FAR2: variants seen among roughly 807,000 people sequenced by gnomAD.
FAR2 encodes epididymis secretory protein Li 81.
FAR2 carries 19 observed loss-of-function variants against 56.0 expected under a neutral mutation model. That is an observed-to-expected ratio of 0.34 (90% CI 0.24 to 0.50). FAR2 has a LOEUF of 0.50. Among genes scored for constraint, FAR2 ranks in the 20% least tolerant of loss-of-function variants. The pLI is 0.98. For missense variants in FAR2, 508 were observed against 642.2 expected (o/e 0.79, Z 2.26); for synonymous variants, 219 against 218.8 (o/e 1.00, Z -0.01).
chr12:29,323,916 A>G (rs1038458178), intron 10 of FAR2, among the ~76,000 whole-genome samples: 2 of 152,222 alleles, frequency 1.3e-5, no homozygotes, highest in African/African-American at 4.8e-5. Flanking sequence ...TGACGAGTTG[A>G]GAGAGGAAGG....
chr12:29,227,084 T>C (rs929698063), intron 1 of FAR2, among the ~76,000 whole-genome samples: 16 of 152,200 alleles, frequency 1.1e-4, no homozygotes, highest in African/African-American at 3.6e-4. Context: ...GGGGATTATT[T>C]GTTCTATCTT....
intron 2 of FAR2, among the ~76,000 whole-genome samples, chr12:29,283,305 T>A (rs867483236): frequency 1.3e-5 from 2 of 152,198 alleles, no homozygotes; most frequent in Middle Eastern, 3.2e-3. Context: ...GGATTACAAT[T>A]TTTTTGCATT....
chr12:29,279,205 T>C (rs7979654), intron 2 of FAR2, among the ~76,000 whole-genome samples: 20,511 of 152,248 alleles, frequency 0.13, 1,451 homozygotes, highest in Middle Eastern at 0.28. Context: ...ATGAATTAGG[T>C]ATGTTTATGA....
chr12:29,264,458 A>G (rs1193984753), intron 1 of FAR2, among the ~76,000 whole-genome samples: 2 of 151,992 alleles, frequency 1.3e-5, no homozygotes, highest in African/African-American at 4.8e-5. Flanking sequence ...CATAGTACTG[A>G]AAGTCCTAAC....
chr12:29,276,998 C>T (rs772750164), intron 2 of FAR2, among the ~76,000 whole-genome samples: 8 of 152,058 alleles, frequency 5.3e-5, no homozygotes, highest in Non-Finnish European at 1.0e-4. Flanking sequence ...TATTTTGAGA[C>T]GGAGTCTCAC....
chr12:29,238,746 A>G (rs1947980335), intron 1 of FAR2, among the ~76,000 whole-genome samples: 2 of 152,214 alleles, frequency 1.3e-5, no homozygotes. Context: ...ATATATTTCA[A>G]CCAAGGAACT....
intron 1 of FAR2, among the ~76,000 whole-genome samples, chr12:29,221,942 G>A (rs1335956238): frequency 6.6e-6 from 1 of 152,060 alleles, no homozygotes; most frequent in Non-Finnish European, 1.5e-5. Flanking sequence ...CCGCCTCCCA[G>A]GTTCAAGCAA....
At chr12:29,182,495 G>C (rs1421886463) in intron 1 of FAR2, among the ~76,000 whole-genome samples, 1 of 152,044 alleles carries the variant, frequency 6.6e-6, no homozygotes, top group Non-Finnish European at 1.5e-5. Context: ...CAATCCTTTA[G>C]CTAGACACAG....
In FAR2 at chr12:29,184,422, C is replaced by CTTT. The variant is rs71042961; in HGVS notation, c.-39+35043_-39+35045dup. The stretch of plus-strand genomic sequence containing the variant: ...ACCATTGTAAAGGCCAATCTAGCAT[C>CTTT]TTTTTTTTTTTTTTTTTTTTTTTTT... On this transcript the variant is annotated intron_variant, in intron 1 of 11. Transcript: ENST00000536681. 6.2e-4 allele frequency among the ~76,000 whole-genome samples: 37 copies of CTTT among 59,718 alleles called. 1 individual carries two copies. The highest frequency in any genetic ancestry group is 1.2e-3 in the East Asian group (2 of 1,624). 39.2% of individuals were successfully genotyped at this position (59,718 alleles called of 152,430 possible).
intron 4 of FAR2, among the ~76,000 whole-genome samples, chr12:29,302,504 T>TC (rs2136771741): frequency 6.6e-6 from 1 of 152,228 alleles, no homozygotes; most frequent in African/African-American, 2.4e-5. Flanking sequence ...CAGCCAGTAG[T>TC]CCATCTTGGC....
At chr12:29,157,142 A>ATATATG (rs1289279461) in intron 1 of FAR2, among the ~76,000 whole-genome samples, 14 of 137,780 alleles carry the variant, frequency 1.0e-4, no homozygotes, top group African/African-American at 3.0e-4. Flanking sequence ...ATATATATAT[A>ATATATG]TATGTATCAA....
intron 8 of FAR2, among the ~76,000 whole-genome samples, chr12:29,313,333 G>T (rs773511034): frequency 6.6e-6 from 1 of 152,124 alleles, no homozygotes; most frequent in African/African-American, 2.4e-5. Context: ...TTTAATAAAT[G>T]CCTATGAACC....
chr12:29,210,845 T>G (rs1378388209), intron 1 of FAR2, among the ~76,000 whole-genome samples: 1 of 151,978 alleles, frequency 6.6e-6, no homozygotes, highest in Admixed American at 6.6e-5. Context: ...CCAGCTACTC[T>G]GGAGGCAGAA....
intron 1 of FAR2, among the ~76,000 whole-genome samples, chr12:29,164,101 G>A (rs1024796149): frequency 6.6e-6 from 1 of 152,204 alleles, no homozygotes; most frequent in Non-Finnish European, 1.5e-5. Context: ...TTAGGACAGA[G>A]CTCAACACGT....
intron 10 of FAR2, among the ~76,000 whole-genome samples, chr12:29,330,201 C>A (rs1003705980): frequency 6.6e-6 from 1 of 151,920 alleles, no homozygotes; most frequent in Non-Finnish European, 1.5e-5. Context: ...CGACTACAGG[C>A]GCATGCCACG....
chr12:29,333,598 G>A, intron 11 of FAR2, 34 bp from the exon 12 acceptor site: 1 of 1,591,176 alleles, frequency 6.3e-7, no homozygotes, highest in Non-Finnish European at 8.6e-7. Flanking sequence ...GTATCTGGTA[G>A]TTTTAACTTT....
chr12:29,263,835 A>T (rs1948465239), intron 1 of FAR2, among the ~76,000 whole-genome samples: 1 of 151,928 alleles, frequency 6.6e-6, no homozygotes, highest in Non-Finnish European at 1.5e-5. Context: ...CAGCAAAGAA[A>T]AGCTCATTAT....
At chr12:29,306,918 A>G (rs1340386196) in intron 4 of FAR2, among the ~76,000 whole-genome samples, 5 of 152,220 alleles carry the variant, frequency 3.3e-5, no homozygotes, top group Non-Finnish European at 5.9e-5. Context: ...ATTAGCATAG[A>G]CTCTAAACAG....
chr12:29,215,111 C>A (rs553057790), intron 1 of FAR2, among the ~76,000 whole-genome samples: 1 of 152,116 alleles, frequency 6.6e-6, no homozygotes, highest in South Asian at 2.1e-4. Flanking sequence ...ATTAAAGGAC[C>A]TACAGTGTAG....
Sources: gnomAD v4.1 joint callset for allele counts (sites outside exome capture counted in the v4.1 genomes callset) on GRCh38, gnomAD v4.1.1 for gene constraint, MANE v1.5 for transcripts, NCBI Gene and HGNC (gene_info 2026-07-23, HGNC 2026-07-21) for gene names.